FAH: variants seen among roughly 807,000 people sequenced by gnomAD.
FAH encodes fumarylacetoacetate hydrolase.
In FAH, 47 loss-of-function variants were observed where a neutral mutation model predicts 55.8. The observed-to-expected ratio is 0.84, with a 90% CI of 0.67 to 1.07. FAH has a LOEUF of 1.07. Among genes scored for constraint, FAH ranks in the 50% least tolerant of loss-of-function variants. The pLI, the probability that FAH is intolerant of heterozygous loss-of-function variation, is 0.00. For missense variants in FAH, 495 were observed against 545.9 expected (o/e 0.91, Z 0.93); for synonymous variants, 199 against 207.7 (o/e 0.96, Z 0.36).
At chr15:80,174,207 G>A (rs1011290881) in intron 9 of FAH, among the ~76,000 whole-genome samples, 1 of 152,080 alleles carries the variant, frequency 6.6e-6, no homozygotes, top group Non-Finnish European at 1.5e-5. Context: ...AGTCTCCCTA[G>A]GGCTGCAAGG....
chr15:80,173,427 T>A, intron 9 of FAH: 1 of 528,744 alleles, frequency 1.9e-6, no homozygotes, highest in East Asian at 3.5e-5. Context: ...TCTGGCCAGT[T>A]GGCAGGAGGA....
intron 1 of FAH, among the ~76,000 whole-genome samples, chr15:80,154,413 C>T (rs1166008824): frequency 5.3e-5 from 8 of 152,166 alleles, no homozygotes; most frequent in Non-Finnish European, 2.9e-5. Flanking sequence ...TGTTTTCAGA[C>T]ACCATGTCCC....
rs377640479 is a variant in FAH, at chr15:80,158,187, C to T, written c.192+17C>T. ...TTCAATCAGGTAGGACATTGTGAAA[C>T]GACTTGTCCCTGACCTCAGTGGCAC... On this transcript the variant is annotated intron_variant, in intron 2 of 13. Coordinates refer to ENST00000561421, the MANE Select transcript of FAH (RefSeq NM_000137.4). 8.0e-5 allele frequency: 124 copies of T among 1,559,302 alleles called. 1 individual carries two copies. The highest frequency in any genetic ancestry group is 1.7e-4 in the Middle Eastern group (1 of 5,980).
intron 8 of FAH, 126 bp from the exon 9 acceptor site, chr15:80,172,888 C>G: frequency 7.8e-7 from 1 of 1,288,884 alleles, no homozygotes; most frequent in South Asian, 1.2e-5. Flanking sequence ...GGCAGCCTGA[C>G]TGGGGCTGAT....
Position 80,168,085 on chromosome 15 carries a change from C to T in FAH, c.489C>T (p.Ala163=). ...LHLPVGYHGR[A]SSVVVSGTPI... ...TACCAGTGGGCTACCATGGCCGTGC[C>T]TCCTCTGTCGTGGTGTCTGGCACCC... is the stretch of plus-strand genomic sequence containing the variant. The change falls in exon 6 of 14, where the codon GCC becomes GCT. Residue 163 remains alanine (A), a synonymous_variant. Coordinates refer to ENST00000561421, the MANE Select transcript of FAH (RefSeq NM_000137.4). 1 of 1,614,194 alleles carries T rather than the reference C, an allele frequency of 6.2e-7. No individual in the cohort carries two copies. Among genetic ancestry groups the T allele is most frequent in the Non-Finnish European group, 8.5e-7 (1 of 1,180,042 alleles).
intron 10 of FAH, among the ~76,000 whole-genome samples, chr15:80,176,246 C>T (rs1258071510): frequency 6.6e-6 from 1 of 152,082 alleles, no homozygotes; most frequent in Non-Finnish European, 1.5e-5. Context: ...GAACTCCTAA[C>T]CTTAGGTGGT....
At chr15:80,166,733 T>C (rs1032971560) in intron 5 of FAH, among the ~76,000 whole-genome samples, 1 of 148,950 alleles carries the variant, frequency 6.7e-6, no homozygotes, top group Non-Finnish European at 1.5e-5. Context: ...GCCTCCCAGG[T>C]TCACGCCATT....
chr15:80,158,597 T>G (rs1051353917), intron 2 of FAH, among the ~76,000 whole-genome samples: 1 of 152,224 alleles, frequency 6.6e-6, no homozygotes, highest in Non-Finnish European at 1.5e-5. Flanking sequence ...CTGAAGTACA[T>G]GTTCACATGG....
chr15:80,161,737 C>T (rs886642840), intron 4 of FAH, among the ~76,000 whole-genome samples: 1 of 152,154 alleles, frequency 6.6e-6, no homozygotes, highest in African/African-American at 2.4e-5. Flanking sequence ...ACTGGAGCAC[C>T]AGTGGGAAGC....
At chr15:80,184,243 G>C (rs1317215711) in intron 13 of FAH, among the ~76,000 whole-genome samples, 3 of 152,076 alleles carry the variant, frequency 2.0e-5, no homozygotes, top group Non-Finnish European at 4.4e-5. Context: ...ATTTGTTGTG[G>C]ATTCTTTCTT....
chr15:80,174,955 C>A lies in FAH; in HGVS notation c.838-61C>A. 1.4e-5 allele frequency: 20 copies of A among 1,469,544 alleles called. No individual in the cohort carries two copies. The South Asian group carries it at 2.3e-4, about 17-fold the overall frequency. 91.0% of individuals were successfully genotyped at this position (1,469,544 alleles called of 1,614,324 possible). A position where few individuals can be genotyped will look rare whatever the true frequency, so the allele number is the denominator to read the frequency against. On this transcript the variant is annotated intron_variant, in intron 9 of 13. Coordinates refer to ENST00000561421, the MANE Select transcript of FAH (RefSeq NM_000137.4). ...GCTGGGGGCCTGGCTGGTATGGGGG[C>A]CCAGCCGGGTGAGCTCAGCCCACCT... is the stretch of plus-strand genomic sequence containing the variant.
chr15:80,162,458 A>T, intron 5 of FAH, 122 bp downstream of exon 5: 1 of 852,942 alleles, frequency 1.2e-6, no homozygotes, highest in East Asian at 2.5e-5. Context: ...AGCAGTTATG[A>T]TGTTGCAACC....
intron 4 of FAH, 53 bp from the exon 5 acceptor site, chr15:80,162,193 C>T (rs559726689): frequency 7.2e-7 from 1 of 1,394,968 alleles, no homozygotes; most frequent in African/African-American, 1.4e-5. Flanking sequence ...ACAGTCCATT[C>T]TTCCTGAGGC....
intron 9 of FAH, 44 bp downstream of exon 9, chr15:80,173,188 G>A (rs1276321871): frequency 6.2e-7 from 1 of 1,613,882 alleles, no homozygotes; most frequent in Non-Finnish European, 8.5e-7. Context: ...CAGCCCTGCT[G>A]CCTCTGAGGC....
chr15:80,162,864 C>G (rs945691075), intron 5 of FAH: 2 of 212,734 alleles, frequency 9.4e-6, no homozygotes, highest in Admixed American at 1.0e-4. Context: ...CTGAGCACAA[C>G]AGGGCCACAG....
intron 5 of FAH, among the ~76,000 whole-genome samples, chr15:80,166,643 T>C (rs2041194558): frequency 1.4e-5 from 2 of 147,996 alleles, no homozygotes; most frequent in African/African-American, 2.5e-5. Context: ...TTCTTTTTTT[T>C]TTTTTTTTTT....
chr15:80,160,115 C>T, intron 3 of FAH: 2 of 633,932 alleles, frequency 3.2e-6, no homozygotes, highest in Non-Finnish European at 5.5e-6. Context: ...CCCATTGGCC[C>T]TCTCTCTTAC....
At chr15:80,171,572 C>CA (rs1406922539) in intron 7 of FAH, among the ~76,000 whole-genome samples, 3 of 152,292 alleles carry the variant, frequency 2.0e-5, no homozygotes, top group African/African-American at 7.2e-5. Context: ...GCAATCTTCC[C>CA]ACATAAGCCT....
At chr15:80,184,872 G>T (rs998164797) in intron 13 of FAH, among the ~76,000 whole-genome samples, 3 of 151,976 alleles carry the variant, frequency 2.0e-5, no homozygotes, top group Admixed American at 6.5e-5. Context: ...CTAGCTACCC[G>T]TCAAGGCCCA....
Sources: gnomAD v4.1 joint callset for allele counts (sites outside exome capture counted in the v4.1 genomes callset) on GRCh38, gnomAD v4.1.1 for gene constraint, MANE v1.5 for transcripts, NCBI Gene and HGNC (gene_info 2026-07-23, HGNC 2026-07-21) for gene names.